The following USP47 variants were observed in gnomAD, a reference collection of about 807,000 sequenced individuals.
USP47 encodes the protein ubiquitin carboxyl-terminal hydrolase 47.
A neutral mutation model predicts 165.1 loss-of-function variants in USP47; 35 were observed. The observed-to-expected ratio is 0.21, with a 90% CI of 0.16 to 0.28. USP47 has a LOEUF of 0.28. Among genes scored for constraint, USP47 ranks in the 10% least tolerant of loss-of-function variants. USP47 has a pLI of 1.00. For synonymous variants in USP47, 531 were observed against 544.5 expected (o/e 0.98, Z 0.35); for missense variants, 1,277 against 1,607.4 (o/e 0.79, Z 3.52).
At chr11:11,894,390 T>C (rs1016181121) in intron 4 of USP47, among the ~76,000 whole-genome samples, 4 of 152,014 alleles carry the variant, frequency 2.6e-5, no homozygotes, top group Admixed American at 6.6e-5. Flanking sequence ...CAGGAGGTGG[T>C]TGCAGTGAGC....
Position 11,926,255 on chromosome 11 carries a change from C to T in USP47, c.1387-3179C>T, listed in dbSNP as rs76386072. ...TTTTTCAGAAAGTTTGAGAAGGATTCGTGTTAATTCTTCAAATGTTTGATA... is the reference window on the plus strand; with the variant it reads ...TTTTTCAGAAAGTTTGAGAAGGATTTGTGTTAATTCTTCAAATGTTTGATA... On this transcript the variant is annotated intron_variant, in intron 11 of 27. Transcript: ENST00000527733. Among the ~76,000 whole-genome samples the T allele has an allele frequency of 4.4e-3, 672 of 152,170 alleles. 5 individuals are homozygous for T. Among genetic ancestry groups the T allele is most frequent in the African/African-American group, 0.016 (649 of 41,536 alleles).
intron 1 of USP47, among the ~76,000 whole-genome samples, chr11:11,877,740 T>C (rs1217999061): frequency 1.3e-5 from 2 of 151,984 alleles, no homozygotes; most frequent in Non-Finnish European, 2.9e-5. Flanking sequence ...CCAGTGTTTG[T>C]GATTATGTAG....
chr11:11,892,660 A>G, intron 4 of USP47, among the ~76,000 whole-genome samples: 1 of 151,406 alleles, frequency 6.6e-6, no homozygotes, highest in Middle Eastern at 3.2e-3. Context: ...AAATCAAAAT[A>G]AAAAAATTAG....
chr11:11,884,674 T>C lies in USP47; in HGVS notation c.357+94T>C, dbSNP rs1034252025. ...TTCCCAAAGGAAATAAGATGTGTTT[T>C]GTAATTTGTGTAATAAATTAATATT... On this transcript the variant is annotated intron_variant, in intron 3 of 27. Transcript: ENST00000527733. 8 of 772,024 alleles carry C rather than the reference T, an allele frequency of 1.0e-5. No homozygotes were observed. In the Admixed American group the frequency reaches 1.2e-4, roughly 11 times the overall value. 47.8% of individuals were successfully genotyped at this position (772,024 alleles called of 1,614,324 possible).
rs541457297 is a variant in USP47, at chr11:11,880,325, A to G, written c.188A>G (p.Tyr63Cys). 74 of 1,382,396 alleles carry G rather than the reference A, an allele frequency of 5.4e-5. No individual in the cohort carries two copies. In the East Asian group the frequency reaches 1.8e-3, roughly 33 times the overall value. The allele number at this position is 1,382,396 out of a possible 1,614,324, so 85.6% of individuals were successfully genotyped here. ...LFEDVANKVG[Y>C]INGTFDLVWG... ...GAAGATGTGGCCAACAAAGTAGGCTACATAAATGGAACCTTTGACTTGGTG... is the reference window on the plus strand; with the variant it reads ...GAAGATGTGGCCAACAAAGTAGGCTGCATAAATGGAACCTTTGACTTGGTG... Residue 63 changes from tyrosine to cysteine, a missense_variant, in exon 2 of 28, where the codon TAC becomes TGC. Physicochemically the swap from Tyr to Cys is radical, Grantham distance 194 (BLOSUM62 -2). This residue lies in a region of USP47 where 181 missense variants were observed against 194.7 expected (regional missense o/e 0.93). Transcript: ENST00000527733.
At chr11:11,871,665 G>A (rs1456207920) in intron 1 of USP47, among the ~76,000 whole-genome samples, 1 of 152,202 alleles carries the variant, frequency 6.6e-6, no homozygotes, top group East Asian at 1.9e-4. Context: ...CTAGGGGGAT[G>A]CACTGTAGGT....
chr11:11,914,789 T>G (rs1833725261), intron 8 of USP47, among the ~76,000 whole-genome samples: 1 of 152,090 alleles, frequency 6.6e-6, no homozygotes, highest in African/African-American at 2.4e-5. Flanking sequence ...GAAATGCAAA[T>G]TCAAACCATA....
At chr11:11,842,494 A>G (rs528196656) in intron 1 of USP47, among the ~76,000 whole-genome samples, 2 of 152,336 alleles carry the variant, frequency 1.3e-5, no homozygotes, top group East Asian at 3.9e-4. Flanking sequence ...GTTCTGCTCT[A>G]GGGGAGAAGG....
At chr11:11,868,156 A>T (rs750427480) in intron 1 of USP47, among the ~76,000 whole-genome samples, 1 of 152,236 alleles carries the variant, frequency 6.6e-6, no homozygotes, top group Admixed American at 6.5e-5. Flanking sequence ...CCCAGTCTAC[A>T]CTAATGGTAA....
intron 8 of USP47, among the ~76,000 whole-genome samples, chr11:11,906,874 A>C (rs982400552): frequency 2.0e-5 from 3 of 152,190 alleles, no homozygotes; most frequent in Non-Finnish European, 4.4e-5. Context: ...TAATTTTTAA[A>C]TACTCGCATT....
At chr11:11,895,469 C>T (rs1851789550) in intron 4 of USP47, among the ~76,000 whole-genome samples, 1 of 152,108 alleles carries the variant, frequency 6.6e-6, no homozygotes, top group Non-Finnish European at 1.5e-5. Context: ...TTTGCATTTC[C>T]TTAAGAAATT....
chr11:11,887,596 A>G (rs113640208), intron 3 of USP47, among the ~76,000 whole-genome samples: 1 of 152,292 alleles, frequency 6.6e-6, no homozygotes, highest in Non-Finnish European at 1.5e-5. Context: ...AGACCAACAA[A>G]AGAGACTTAC....
intron 1 of USP47, among the ~76,000 whole-genome samples, chr11:11,875,762 C>A (rs756965250): frequency 6.6e-6 from 1 of 152,214 alleles, no homozygotes; most frequent in Non-Finnish European, 1.5e-5. Flanking sequence ...TGCCACCACA[C>A]CCAGCAAATT....
At chr11:11,890,949 G>A (rs1441951628) in intron 3 of USP47, among the ~76,000 whole-genome samples, 1 of 152,128 alleles carries the variant, frequency 6.6e-6, no homozygotes, top group African/African-American at 2.4e-5. Flanking sequence ...TTATAAGTGG[G>A]AGCTGAATGA....
intron 2 of USP47, among the ~76,000 whole-genome samples, chr11:11,880,705 T>C: frequency 6.6e-6 from 1 of 152,050 alleles, no homozygotes; most frequent in East Asian, 1.9e-4. Flanking sequence ...TATTATTCCG[T>C]GAAAAAAGAT....
intron 4 of USP47, among the ~76,000 whole-genome samples, chr11:11,893,012 A>C (rs1851640696): frequency 6.6e-6 from 1 of 152,048 alleles, no homozygotes; most frequent in Non-Finnish European, 1.5e-5. Flanking sequence ...GTTATCTTTT[A>C]GTTTATTCAT....
chr11:11,866,154 A>G (rs773329600), intron 1 of USP47, among the ~76,000 whole-genome samples: 2 of 152,120 alleles, frequency 1.3e-5, no homozygotes, highest in South Asian at 2.1e-4. Flanking sequence ...GCTCTTACAT[A>G]TAGGTCTTTA....
chr11:11,903,205 G>T, intron 6 of USP47, 58 bp from the exon 7 acceptor site: 5 of 1,499,438 alleles, frequency 3.3e-6, no homozygotes, highest in Non-Finnish European at 4.6e-6. Context: ...TTAAACAACA[G>T]ATTGTTTCAT....
chr11:11,929,407 T>A (rs1854489905), intron 11 of USP47, 27 bp from the exon 12 acceptor site: 2 of 1,607,850 alleles, frequency 1.2e-6, no homozygotes, highest in Non-Finnish European at 1.7e-6. Flanking sequence ...CCTTCTCCTC[T>A]GAGTTACTTT....
Sources: gnomAD v4.1 joint callset for allele counts (sites outside exome capture counted in the v4.1 genomes callset) on GRCh38, gnomAD v4.1.1 for gene constraint, gnomAD v4.1.1 regional missense constraint, MANE v1.5 for transcripts, NCBI Gene and HGNC (gene_info 2026-07-23, HGNC 2026-07-21) for gene names.